The following RABGAP1L variants were observed in gnomAD, a reference collection of about 807,000 sequenced individuals.
RABGAP1L encodes RAB GTPase activating protein 1 like.
RABGAP1L carries 63 observed loss-of-function variants against 137.7 expected under a neutral mutation model. The ratio of observed to expected loss-of-function variants is 0.46; its 90% confidence interval spans 0.37 to 0.56. The LOEUF is 0.56. Ranked by LOEUF, RABGAP1L falls within the 20% of genes least tolerant of loss-of-function variation. RABGAP1L has a pLI of 0.00. For synonymous variants in RABGAP1L, 431 were observed against 433.7 expected, an observed-to-expected ratio of 0.99 and a Z score of 0.08; for missense variants, 1,095 against 1,244.0, an observed-to-expected ratio of 0.88 and a Z score of 1.80.
At chr1:174,296,704 T>G (rs1383936570) in intron 10 of RABGAP1L, among the ~76,000 whole-genome samples, 1 of 152,216 alleles carries the variant, frequency 6.6e-6, no homozygotes, top group African/African-American at 2.4e-5. Context: ...ATTCAAAGTT[T>G]TTTTAATGAG....
chr1:174,612,192 C>T (rs1055566456), intron 13 of RABGAP1L, among the ~76,000 whole-genome samples: 14 of 152,168 alleles, frequency 9.2e-5, no homozygotes, highest in East Asian at 3.9e-4. Flanking sequence ...GGCTGTGGGT[C>T]TGTCATAGAT....
chr1:174,577,020 C>CA (rs1444060152), intron 13 of RABGAP1L, among the ~76,000 whole-genome samples: 1 of 151,740 alleles, frequency 6.6e-6, no homozygotes, highest in Non-Finnish European at 1.5e-5. Context: ...TTACATAAAA[C>CA]AAAAAACAAA....
At position 174,860,852 on chromosome 1, in the gene RABGAP1L, C is replaced by T. The variant is rs537881792; in HGVS notation, c.2340+48892C>T. ...TTTAAGGTGTATAACATGATGCATA[C>T]ATTGTGAAATAATTACCACAGTCAA... On this transcript the variant is annotated intron_variant, in intron 19 of 25. Coordinates refer to ENST00000681986, the MANE Select transcript of RABGAP1L (RefSeq NM_001366446.1). Among the ~76,000 whole-genome samples, 4 of 152,192 alleles carry T rather than the reference C, an allele frequency of 2.6e-5. No individual in the cohort carries two copies. The South Asian group carries it at 8.3e-4, about 32-fold the overall frequency.
At chr1:174,491,738 T>G (rs1660257165) in intron 13 of RABGAP1L, among the ~76,000 whole-genome samples, 1 of 152,196 alleles carries the variant, frequency 6.6e-6, no homozygotes, top group African/African-American at 2.4e-5. Context: ...TGGCAAGGCT[T>G]GCTGGAACTC....
chr1:174,635,997 A>G (rs766946937), intron 13 of RABGAP1L, among the ~76,000 whole-genome samples: 1 of 152,230 alleles, frequency 6.6e-6, no homozygotes, highest in Non-Finnish European at 1.5e-5. Flanking sequence ...GAAATAAGAC[A>G]TTAAGCAATT....
intron 11 of RABGAP1L, among the ~76,000 whole-genome samples, chr1:174,356,473 A>G (rs1258445524): frequency 6.6e-6 from 1 of 152,150 alleles, no homozygotes; most frequent in Non-Finnish European, 1.5e-5. Flanking sequence ...AAAACAAAAA[A>G]GAATTGTGTG....
chr1:174,286,061 C>T (rs2148703547), intron 10 of RABGAP1L, among the ~76,000 whole-genome samples: 1 of 152,174 alleles, frequency 6.6e-6, no homozygotes, highest in South Asian at 2.1e-4. Context: ...CTTCGTCTGG[C>T]TTTGGTATCA....
intron 14 of RABGAP1L, among the ~76,000 whole-genome samples, chr1:174,648,639 A>G (rs897838576): frequency 1.3e-5 from 2 of 152,100 alleles, no homozygotes; most frequent in Non-Finnish European, 2.9e-5. Flanking sequence ...CAATTTTAGA[A>G]TAAGTGCGAT....
At position 174,633,166 on chromosome 1, in the gene RABGAP1L, A is replaced by G. The variant is rs1454836607; in HGVS notation, c.1711-4209A>G. Among the ~76,000 whole-genome samples, 17 of 151,092 alleles carry G rather than the reference A, an allele frequency of 1.1e-4. No homozygotes were observed. In the East Asian group the frequency reaches 2.3e-3, roughly 21 times the overall value. ...CTCAGCCCAAAATCTCCTTAAGCTG[A>G]TAAGCAACTTCAGCAAAGTCTCAGG... On this transcript the variant is annotated intron_variant, in intron 13 of 25. Coordinates refer to ENST00000681986, the MANE Select transcript of RABGAP1L (RefSeq NM_001366446.1).
At chr1:174,552,007 TA>T (rs1312515157) in intron 13 of RABGAP1L, among the ~76,000 whole-genome samples, 4 of 152,184 alleles carry the variant, frequency 2.6e-5, no homozygotes, top group African/African-American at 9.7e-5. Context: ...AATAGCTATT[TA>T]ACCATTGAAG....
intron 19 of RABGAP1L, among the ~76,000 whole-genome samples, chr1:174,920,265 C>T (rs1661574822): frequency 6.6e-6 from 1 of 152,190 alleles, no homozygotes; most frequent in South Asian, 2.1e-4. Context: ...CTGGGGAAGC[C>T]TCACAATCGT....
intron 13 of RABGAP1L, among the ~76,000 whole-genome samples, chr1:174,509,004 G>A (rs1662086049): frequency 6.6e-6 from 1 of 152,146 alleles, no homozygotes; most frequent in African/African-American, 2.4e-5. Context: ...AATTTTAAAT[G>A]TGCAGTGCAC....
chr1:174,723,422 G>T (rs1572932085), intron 17 of RABGAP1L, among the ~76,000 whole-genome samples: 1 of 152,144 alleles, frequency 6.6e-6, no homozygotes, highest in African/African-American at 2.4e-5. Context: ...GTTTCCTGTG[G>T]TGCATCCTAA....
At position 174,505,411 on chromosome 1, in the gene RABGAP1L, A is replaced by C. The variant is rs1661726482; in HGVS notation, c.1710+111266A>C. Among the ~76,000 whole-genome samples the C allele has an allele frequency of 1.3e-5, 2 of 151,668 alleles. 1 individual carries two copies. The highest frequency in any genetic ancestry group is 4.2e-4 in the South Asian group (2 of 4,818). On this transcript the variant is annotated intron_variant, in intron 13 of 25. Transcript: ENST00000681986. ...TTTTGGCCCAAACTTTATTCCCAAA[A>C]CATTATATCGGTACATATTTTAAAA...
At chr1:174,864,391 A>G (rs1650845386) in intron 19 of RABGAP1L, among the ~76,000 whole-genome samples, 1 of 152,164 alleles carries the variant, frequency 6.6e-6, no homozygotes, top group Admixed American at 6.5e-5. Flanking sequence ...CATACCAGAG[A>G]CTGGTTAATT....
intron 18 of RABGAP1L, among the ~76,000 whole-genome samples, chr1:174,789,441 A>G (rs191283561): frequency 2.0e-4 from 31 of 152,210 alleles, no homozygotes; most frequent in Non-Finnish European, 4.0e-4. Flanking sequence ...TGATTTTTCA[A>G]TACTGCTACG....
intron 1 of RABGAP1L, among the ~76,000 whole-genome samples, chr1:174,195,485 T>C (rs987562334): frequency 9.2e-5 from 14 of 152,174 alleles, no homozygotes; most frequent in African/African-American, 2.9e-4. Flanking sequence ...GAGAGTGTAA[T>C]ATGTTTAAGA....
At chr1:174,380,882 G>A (rs1571518139) in intron 12 of RABGAP1L, among the ~76,000 whole-genome samples, 2 of 133,964 alleles carry the variant, frequency 1.5e-5, no homozygotes, top group Admixed American at 7.8e-5. Context: ...TGTGATGTTA[G>A]GGTGTCAATT....
At chr1:174,262,475 G>C (rs769092273) in intron 7 of RABGAP1L, among the ~76,000 whole-genome samples, 3 of 152,072 alleles carry the variant, frequency 2.0e-5, no homozygotes, top group Non-Finnish European at 4.4e-5. Flanking sequence ...TGAAGTAATT[G>C]TAGATGCACA....
Sources: gnomAD v4.1 joint callset for allele counts (sites outside exome capture counted in the v4.1 genomes callset) on GRCh38, gnomAD v4.1.1 for gene constraint, MANE v1.5 for transcripts, NCBI Gene and HGNC (gene_info 2026-07-23, HGNC 2026-07-21) for gene names.